The following VPS13D variants were observed in gnomAD, a reference collection of about 807,000 sequenced individuals.
VPS13D encodes the protein intermembrane lipid transfer protein VPS13D.
A neutral mutation model predicts 461.9 loss-of-function variants in VPS13D; 187 were observed. The ratio of observed to expected loss-of-function variants is 0.40; its 90% confidence interval spans 0.36 to 0.46. VPS13D has a LOEUF of 0.46. Among genes scored for constraint, VPS13D ranks in the 20% least tolerant of loss-of-function variants. The pLI is 0.60. For synonymous variants in VPS13D, 1,951 were observed against 1,986.3 expected (o/e 0.98, Z 0.47); for missense variants, 4,711 against 5,364.9 (o/e 0.88, Z 3.81).
chr1:12,467,394 A>G (rs1412504674), intron 67 of VPS13D, among the ~76,000 whole-genome samples: 1 of 151,930 alleles, frequency 6.6e-6, no homozygotes, highest in African/African-American at 2.4e-5. Flanking sequence ...CCGGTCTCGA[A>G]CTCCTGACCT....
intron 65 of VPS13D, among the ~76,000 whole-genome samples, chr1:12,420,953 G>T (rs190251310): frequency 6.6e-6 from 1 of 152,204 alleles, no homozygotes; most frequent in Non-Finnish European, 1.5e-5. Context: ...TAAATTTCAG[G>T]TCTATAGTGT....
chr1:12,311,968 C>T (rs1255702081), intron 29 of VPS13D, 43 bp downstream of exon 29: 1 of 1,461,916 alleles, frequency 6.8e-7, no homozygotes, highest in Admixed American at 1.8e-5. Flanking sequence ...TAACAGTATC[C>T]AAATAATACA....
chr1:12,487,713 A>AG (rs936716388), intron 67 of VPS13D, among the ~76,000 whole-genome samples: 4 of 150,740 alleles, frequency 2.7e-5, no homozygotes, highest in African/African-American at 9.8e-5. Flanking sequence ...GCCCTGGGGG[A>AG]GGGGGCTTCA....
At chr1:12,237,728 C>T (rs946017124) in intron 2 of VPS13D, among the ~76,000 whole-genome samples, 1 of 146,872 alleles carries the variant, frequency 6.8e-6, no homozygotes, top group Non-Finnish European at 1.5e-5. Context: ...TTGGGAGGCC[C>T]AGGTGGGAGG....
At chr1:12,300,670 G>A (rs2101461147) in intron 25 of VPS13D, among the ~76,000 whole-genome samples, 1 of 152,216 alleles carries the variant, frequency 6.6e-6, no homozygotes. Context: ...GTTGTTATTT[G>A]TGTTTTACAT....
intron 52 of VPS13D, among the ~76,000 whole-genome samples, chr1:12,363,681 G>A (rs148236542): frequency 0.019 from 2,912 of 152,174 alleles, 114 homozygotes; most frequent in Admixed American, 0.1. Context: ...CAGGCCGGGC[G>A]CAGTGGCTCA....
intron 32 of VPS13D, 46 bp downstream of exon 32, chr1:12,319,676 A>G (rs200153319): frequency 6.2e-7 from 1 of 1,612,224 alleles, no homozygotes; most frequent in Non-Finnish European, 8.5e-7. Context: ...TTGGCTCACG[A>G]GCAAAGCATC....
At chr1:12,328,773 C>G (rs763439769) in intron 36 of VPS13D, among the ~76,000 whole-genome samples, 52 of 152,136 alleles carry the variant, frequency 3.4e-4, no homozygotes, top group Non-Finnish European at 6.2e-4. Context: ...CTCCTGACCT[C>G]AGGGATCTGC....
At chr1:12,308,759 C>T (rs1396256011) in intron 27 of VPS13D, 118 bp downstream of exon 27, 2 of 876,748 alleles carry the variant, frequency 2.3e-6, no homozygotes, top group African/African-American at 3.4e-5. Context: ...AAGTGATTCT[C>T]CTCAGCCTCA....
At chr1:12,297,773 C>T (rs1246350860) in intron 24 of VPS13D, among the ~76,000 whole-genome samples, 1 of 152,126 alleles carries the variant, frequency 6.6e-6, no homozygotes, top group East Asian at 1.9e-4. Context: ...AAGACAAGGT[C>T]ATTGCCTTCA....
chr1:12,502,698 G>A lies in VPS13D; in HGVS notation c.12795-4155G>A, dbSNP rs1570296575. On this transcript the variant is annotated intron_variant, in intron 68 of 69. Coordinates refer to ENST00000620676, the MANE Select transcript of VPS13D (RefSeq NM_015378.4). The surrounding 1 kb of genome is among the most constrained non-coding windows in gnomAD (Gnocchi z 4.3). ...AGTAGAGTGGCTGAAACAGTTACTT[G>A]GCAGATTTCTCCCTGAGAGAAGCTG... Among the ~76,000 whole-genome samples the A allele has an allele frequency of 6.6e-6, 1 of 151,678 alleles. No homozygotes were observed. The highest frequency in any genetic ancestry group is 2.4e-5 in the African/African-American group (1 of 41,256).
At chr1:12,335,960 T>G in intron 39 of VPS13D, 133 bp downstream of exon 39, 3 of 1,326,970 alleles carry the variant, frequency 2.3e-6, no homozygotes, top group Non-Finnish European at 3.1e-6. Flanking sequence ...CTTCTGTAGT[T>G]CTGTTTTAGT....
In VPS13D at chr1:12,321,916, A is replaced by C; in HGVS notation, c.7656A>C (p.Ser2552=). 1 of 1,613,650 alleles carries C rather than the reference A, an allele frequency of 6.2e-7. No homozygotes were observed. The highest frequency in any genetic ancestry group is 8.5e-7 in the Non-Finnish European group (1 of 1,179,846). ...LVGNSSYQNS[S]GLMDAFNSED... is the part of the protein sequence containing the mutation. Reference sequence around the variant, plus strand: ...GGAATTCTTCTTATCAAAATAGTTCAGGATTGATGGATGCATTCAATAGTG... The same window carrying C: ...GGAATTCTTCTTATCAAAATAGTTCCGGATTGATGGATGCATTCAATAGTG... The change falls in exon 33 of 70, where the codon TCA becomes TCC. Residue 2552 remains serine, a synonymous_variant. Transcript: ENST00000620676.
intron 48 of VPS13D, 120 bp downstream of exon 48, chr1:12,356,210 A>G: frequency 2.8e-6 from 4 of 1,406,572 alleles, no homozygotes; most frequent in Non-Finnish European, 3.8e-6. Flanking sequence ...TGAGCTGCTG[A>G]AACATTCCTG....
At position 12,401,688 on chromosome 1, in the gene VPS13D, C is replaced by T. The variant is rs769804205; in HGVS notation, c.11865C>T (p.Tyr3955=). 5.2e-5 allele frequency: 84 copies of T among 1,612,880 alleles called. No individual in the cohort carries two copies. The highest frequency in any genetic ancestry group is 7.0e-5 in the Non-Finnish European group (82 of 1,179,154). The change falls in exon 62 of 70, where the codon TAC becomes TAT. Residue 3955 remains tyrosine, a synonymous_variant. Coordinates refer to ENST00000620676, the MANE Select transcript of VPS13D (RefSeq NM_015378.4). The part of the protein sequence containing the change: ...LLLKLLSFFG[Y]DQAESEVEKY... ...TCAAGCTGCTAAGTTTCTTTGGCTACGATCAAGCAGAATCAGGTAATGTTG... is the reference window on the plus strand; with the variant it reads ...TCAAGCTGCTAAGTTTCTTTGGCTATGATCAAGCAGAATCAGGTAATGTTG...
chr1:12,349,642 G>A (rs1643753385), intron 46 of VPS13D, among the ~76,000 whole-genome samples: 1 of 152,102 alleles, frequency 6.6e-6, no homozygotes, highest in African/African-American at 2.4e-5. Context: ...TTGTACAACA[G>A]CATAAAGAGA....
At position 12,495,233 on chromosome 1, in the gene VPS13D, TC is replaced by T. The variant is rs1426862189; in HGVS notation, c.12663-2265del. ...GGCAGGATCTCGGCTCACTGCAAGCTCCGCCTCCCAGGTTCATGCCATTCTC... is the reference window on the plus strand; with the variant it reads ...GGCAGGATCTCGGCTCACTGCAAGCTCGCCTCCCAGGTTCATGCCATTCTC... On this transcript the variant is annotated intron_variant, in intron 67 of 69. Coordinates refer to ENST00000620676, the MANE Select transcript of VPS13D (RefSeq NM_015378.4). The surrounding 1 kb of genome is among the most constrained non-coding windows in gnomAD (Gnocchi z 4.0). Among the ~76,000 whole-genome samples, 1 of 149,920 alleles carries T rather than the reference TC, an allele frequency of 6.7e-6. No homozygotes were observed. Among genetic ancestry groups the T allele is most frequent in the Non-Finnish European group, 1.5e-5 (1 of 67,646 alleles).
Position 12,474,199 on chromosome 1 carries a change from G to A in VPS13D, c.12662+13803G>A, listed in dbSNP as rs150394028. ...GAGTGCTTAAGGAAATTAGGATGGG[G>A]CATGCGACCCTGTAACAGCTGATAA... is the stretch of plus-strand genomic sequence containing the variant. On this transcript the variant is annotated intron_variant, in intron 67 of 69. Transcript: ENST00000620676. Among the ~76,000 whole-genome samples the A allele has an allele frequency of 2.2e-3, 335 of 152,198 alleles. 2 individuals carry two copies. Among genetic ancestry groups the A allele is most frequent in the African/African-American group, 7.7e-3 (319 of 41,532 alleles).
intron 63 of VPS13D, among the ~76,000 whole-genome samples, chr1:12,405,268 C>T (rs997313823): frequency 6.6e-6 from 1 of 152,192 alleles, no homozygotes; most frequent in Non-Finnish European, 1.5e-5. Flanking sequence ...AACCGGAAAT[C>T]TGGATTTTTA....
Sources: gnomAD v4.1 joint callset for allele counts (sites outside exome capture counted in the v4.1 genomes callset) on GRCh38, gnomAD v4.1.1 for gene constraint, Gnocchi (gnomAD v3.1) non-coding constraint, MANE v1.5 for transcripts, NCBI Gene and HGNC (gene_info 2026-07-23, HGNC 2026-07-21) for gene names.